CCDC102B: variants seen among roughly 807,000 people sequenced by gnomAD.
CCDC102B encodes the protein coiled-coil domain containing 102B.
A neutral mutation model predicts 57.4 loss-of-function variants in CCDC102B; 75 were observed. The ratio of observed to expected loss-of-function variants is 1.31; its 90% CI spans 1.08 to 1.58. CCDC102B has a LOEUF of 1.58. Among genes scored for constraint, CCDC102B ranks in the 40% most tolerant of loss-of-function variants. The pLI, the probability that CCDC102B is intolerant of heterozygous loss-of-function variation, is 0.00. For synonymous variants in CCDC102B, 206 were observed against 201.9 expected (o/e 1.02, Z -0.17); for missense variants, 636 against 582.6 (o/e 1.09, Z -0.94).
At chr18:68,789,839 C>T (rs2035361376) in intron 2 of CCDC102B, among the ~76,000 whole-genome samples, 1 of 151,492 alleles carries the variant, frequency 6.6e-6, no homozygotes, top group Admixed American at 6.6e-5. Context: ...TCGTCAAAGT[C>T]ATTCTCCGTC....
At chr18:69,044,823 G>A (rs2052519144) in intron 7 of CCDC102B, among the ~76,000 whole-genome samples, 1 of 152,168 alleles carries the variant, frequency 6.6e-6, no homozygotes, top group Admixed American at 6.6e-5. Context: ...TATATTGTAT[G>A]AGGCAGCATG....
intron 1 of CCDC102B, among the ~76,000 whole-genome samples, chr18:68,827,760 G>T (rs1568272515): frequency 6.6e-6 from 1 of 151,908 alleles, no homozygotes; most frequent in East Asian, 1.9e-4. Context: ...CAAGTTATAT[G>T]CTATTAGTAA....
At chr18:68,910,927 A>G (rs1389848161) in intron 6 of CCDC102B, among the ~76,000 whole-genome samples, 1 of 151,680 alleles carries the variant, frequency 6.6e-6, no homozygotes, top group Non-Finnish European at 1.5e-5. Context: ...AAGGGGGAAA[A>G]AAAAAAAACA....
intron 2 of CCDC102B, among the ~76,000 whole-genome samples, chr18:68,737,524 T>TTG (rs745748969): frequency 6.7e-6 from 1 of 150,064 alleles, no homozygotes; most frequent in African/African-American, 2.5e-5. Flanking sequence ...GAAGGGAGGG[T>TTG]TGTGTGTGTG....
chr18:69,026,474 A>C (rs2051995571), intron 7 of CCDC102B, among the ~76,000 whole-genome samples: 2 of 151,776 alleles, frequency 1.3e-5, no homozygotes, highest in Non-Finnish European at 1.5e-5. Flanking sequence ...AAAAAAAAAA[A>C]AACCCCAGAG....
At chr18:68,836,539 A>G (rs1273274869) in intron 1 of CCDC102B, among the ~76,000 whole-genome samples, 1 of 151,168 alleles carries the variant, frequency 6.6e-6, no homozygotes, top group African/African-American at 2.4e-5. Context: ...GAGGCAAGGG[A>G]ATCGCTTGAA....
intron 7 of CCDC102B, among the ~76,000 whole-genome samples, chr18:69,033,030 C>T (rs572224789): frequency 4.6e-5 from 7 of 152,034 alleles, no homozygotes; most frequent in East Asian, 1.9e-4. Flanking sequence ...ACATCTGTGC[C>T]CACTTATCAA....
At chr18:69,025,711 C>T (rs776793726) in intron 7 of CCDC102B, among the ~76,000 whole-genome samples, 1 of 152,154 alleles carries the variant, frequency 6.6e-6, no homozygotes, top group African/African-American at 2.4e-5. Flanking sequence ...TACTTGGTAA[C>T]AGCACATTTG....
chr18:68,774,427 G>A (rs1006197775), intron 2 of CCDC102B, among the ~76,000 whole-genome samples: 12 of 151,558 alleles, frequency 7.9e-5, no homozygotes, highest in Admixed American at 5.9e-4. Context: ...TCTTTTCTCC[G>A]TGTTGCAAAT....
At chr18:68,999,163 AAG>A (rs2051131717) in intron 6 of CCDC102B, among the ~76,000 whole-genome samples, 2 of 151,984 alleles carry the variant, frequency 1.3e-5, no homozygotes, top group South Asian at 4.2e-4. Context: ...CAATCATGGA[AAG>A]AGAAAAAAAC....
intron 6 of CCDC102B, among the ~76,000 whole-genome samples, chr18:68,996,937 C>T (rs566661191): frequency 1.3e-5 from 2 of 152,314 alleles, no homozygotes; most frequent in South Asian, 4.1e-4. Context: ...CTGTAATCCT[C>T]ATGTTTCAAA....
chr18:68,729,525 G>A (rs1258875788), intron 2 of CCDC102B, among the ~76,000 whole-genome samples: 1 of 152,166 alleles, frequency 6.6e-6, no homozygotes, highest in African/African-American at 2.4e-5. Context: ...ATGGAAACTT[G>A]ACGCATGACT....
intron 6 of CCDC102B, among the ~76,000 whole-genome samples, chr18:68,943,615 A>G (rs1437890390): frequency 6.6e-6 from 1 of 152,178 alleles, no homozygotes; most frequent in African/African-American, 2.4e-5. Context: ...ATTCAACAAT[A>G]TAGAGTACCA....
intron 7 of CCDC102B, among the ~76,000 whole-genome samples, chr18:69,036,669 T>G (rs915001718): frequency 4.6e-5 from 7 of 151,902 alleles, no homozygotes; most frequent in African/African-American, 1.7e-4. Flanking sequence ...ATGAATAAAA[T>G]GAATACCCCT....
chr18:68,959,544 T>A (rs931506635), intron 6 of CCDC102B, among the ~76,000 whole-genome samples: 22 of 152,100 alleles, frequency 1.4e-4, no homozygotes, highest in African/African-American at 4.3e-4. Context: ...GGGCTCGATA[T>A]TCTGCAGTTT....
At chr18:68,960,349 A>G (rs2050016571) in intron 6 of CCDC102B, among the ~76,000 whole-genome samples, 1 of 152,160 alleles carries the variant, frequency 6.6e-6, no homozygotes, top group Admixed American at 6.5e-5. Context: ...TGGGGGCCTG[A>G]TGCCCTATTC....
intron 6 of CCDC102B, among the ~76,000 whole-genome samples, chr18:68,914,388 C>A (rs1029211158): frequency 9.2e-5 from 14 of 152,092 alleles, no homozygotes; most frequent in Non-Finnish European, 1.3e-4. Flanking sequence ...CCACTTGGTA[C>A]CCTGAGCTGC....
At chr18:68,845,079 T>C (rs1022399545) in intron 3 of CCDC102B, among the ~76,000 whole-genome samples, 1 of 151,930 alleles carries the variant, frequency 6.6e-6, no homozygotes, top group Non-Finnish European at 1.5e-5. Context: ...ATATCCTCTT[T>C]CAATTTTGTG....
chr18:68,879,339 G>A (rs377441090), intron 5 of CCDC102B, among the ~76,000 whole-genome samples: 15 of 151,982 alleles, frequency 9.9e-5, no homozygotes, highest in African/African-American at 1.9e-4. Context: ...TGCAAAGAAC[G>A]AAAGAACAAA....
Sources: allele counts gnomAD v4.1 joint callset (sites outside exome capture counted in the v4.1 genomes callset), GRCh38; gene constraint gnomAD v4.1.1; transcripts MANE v1.5; gene names NCBI Gene and HGNC (gene_info 2026-07-23, HGNC 2026-07-21).